GLRA2: variants seen among roughly 807,000 people sequenced by gnomAD.
The protein encoded by GLRA2 is glycine receptor subunit alpha-2.
A neutral mutation model predicts 31.6 loss-of-function variants in GLRA2; 11 were observed. The ratio of observed to expected loss-of-function variants is 0.35; its 90% CI spans 0.22 to 0.58. GLRA2 has a LOEUF of 0.58. Among genes scored for constraint, GLRA2 ranks in the 20% least tolerant of loss-of-function variants. GLRA2 has a pLI of 0.84. For synonymous variants in GLRA2, 132 were observed against 134.0 expected, an observed-to-expected ratio of 0.99 and a Z score of 0.10; for missense variants, 212 against 351.8, an observed-to-expected ratio of 0.60 and a Z score of 3.18.
At chrX:14,642,632 A>G (rs1269194824) in intron 7 of GLRA2, among the ~76,000 whole-genome samples, 3 of 110,517 alleles carry the variant, frequency 2.7e-5, no homozygotes, top group African/African-American at 9.9e-5. Context: ...TTATAGCTAT[A>G]TTAATTTCTT....
At chrX:14,534,461 G>A (rs2089297514) in intron 2 of GLRA2, among the ~76,000 whole-genome samples, 1 of 109,476 alleles carries the variant, frequency 9.1e-6, no homozygotes. Flanking sequence ...TCTTCATTTG[G>A]GGGAGCTTGA....
chrX:14,508,940 T>G, the GLRA2 span, among the ~76,000 whole-genome samples: 1 of 111,538 alleles, frequency 9.0e-6, no homozygotes, highest in Non-Finnish European at 1.9e-5. Context: ...AATGTCATGC[T>G]TTTCACATTA....
the GLRA2 span, among the ~76,000 whole-genome samples, chrX:14,499,872 T>A: frequency 0.21 from 23,714 of 110,316 alleles, 1,845 homozygotes; most frequent in Non-Finnish European, 0.23. Flanking sequence ...GATTTTTTTT[T>A]AAAAAAATTT....
intron 8 of GLRA2, among the ~76,000 whole-genome samples, chrX:14,712,950 A>C (rs1290838623): frequency 2.7e-5 from 3 of 111,908 alleles, no homozygotes; most frequent in Non-Finnish European, 3.8e-5. Flanking sequence ...AAAAATCCTA[A>C]CCTGCAACCA....
intron 2 of GLRA2, among the ~76,000 whole-genome samples, chrX:14,567,412 T>A (rs928225123): frequency 8.9e-6 from 1 of 112,073 alleles, no homozygotes; most frequent in Non-Finnish European, 1.9e-5. Context: ...TAATGATTTT[T>A]AAAAACACTC....
At chrX:14,579,268 T>C (rs777609720) in intron 3 of GLRA2, among the ~76,000 whole-genome samples, 16 of 111,690 alleles carry the variant, frequency 1.4e-4, no homozygotes, top group Admixed American at 1.3e-3. Context: ...TTATCAGGGA[T>C]AGCAGGTAGC....
the GLRA2 span, among the ~76,000 whole-genome samples, chrX:14,493,693 GTA>G: frequency 1.4e-5 from 1 of 72,257 alleles, no homozygotes; most frequent in African/African-American, 8.2e-5. Context: ...ACATATACAC[GTA>G]TATATGTATA....
intron 4 of GLRA2, among the ~76,000 whole-genome samples, chrX:14,582,925 G>A (rs1490396460): frequency 8.9e-6 from 1 of 112,210 alleles, no homozygotes; most frequent in Non-Finnish European, 1.9e-5. Flanking sequence ...ATGGTGGACT[G>A]GATTTGGCCC....
intron 8 of GLRA2, among the ~76,000 whole-genome samples, chrX:14,725,106 G>T (rs931385998): frequency 9.0e-6 from 1 of 111,458 alleles, no homozygotes; most frequent in Admixed American, 9.5e-5. Context: ...AACTTTTCTT[G>T]GCCTCAGTTT....
intron 7 of GLRA2, among the ~76,000 whole-genome samples, chrX:14,686,316 G>T (rs1027854109): frequency 1.8e-5 from 2 of 111,937 alleles, no homozygotes; most frequent in Non-Finnish European, 3.8e-5. Flanking sequence ...GAGTTCTGTA[G>T]ATGTCTATTA....
chrX:14,679,835 T>C (rs1444244244), intron 7 of GLRA2, among the ~76,000 whole-genome samples: 1 of 112,195 alleles, frequency 8.9e-6, no homozygotes, highest in African/African-American at 3.2e-5. Context: ...TGTGGAACCA[T>C]CTACTTTATA....
At chrX:14,470,344 A>G in the GLRA2 span, among the ~76,000 whole-genome samples, 7 of 111,896 alleles carry the variant, frequency 6.3e-5, no homozygotes, top group Non-Finnish European at 1.9e-5. Context: ...AATATTTATT[A>G]TACCTGAATA....
At chrX:14,651,829 T>G (rs898441430) in intron 7 of GLRA2, among the ~76,000 whole-genome samples, 18 of 112,050 alleles carry the variant, frequency 1.6e-4, no homozygotes, top group African/African-American at 5.8e-4. Flanking sequence ...AATAAATGTT[T>G]GTGTCTCACC....
chrX:14,599,564 TC>T (rs1369147196), intron 4 of GLRA2, among the ~76,000 whole-genome samples: 7 of 112,335 alleles, frequency 6.2e-5, no homozygotes, highest in African/African-American at 2.3e-4. Flanking sequence ...AATATCAAGT[TC>T]TTTTTTTCCC....
intron 7 of GLRA2, among the ~76,000 whole-genome samples, chrX:14,684,905 G>T (rs2091258441): frequency 1.8e-5 from 2 of 110,665 alleles, no homozygotes; most frequent in African/African-American, 6.6e-5. Context: ...GTTTTCAAAG[G>T]GAATGCTTCC....
intron 8 of GLRA2, among the ~76,000 whole-genome samples, chrX:14,698,612 A>C (rs1350007889): frequency 2.2e-5 from 2 of 91,276 alleles, no homozygotes; most frequent in African/African-American, 8.3e-5. Context: ...CGGGAGGTGG[A>C]GATTGCAGTG....
intron 2 of GLRA2, among the ~76,000 whole-genome samples, chrX:14,551,594 A>T: frequency 8.9e-6 from 1 of 111,740 alleles, no homozygotes. Context: ...GCATTTTGTA[A>T]ACTTTTTTTT....
chrX:14,625,036 G>T (rs761009372), intron 7 of GLRA2, among the ~76,000 whole-genome samples: 1 of 112,011 alleles, frequency 8.9e-6, no homozygotes, highest in African/African-American at 3.2e-5. Context: ...TTGTGCTCCT[G>T]TATTGGCTGC....
At chrX:14,486,614 C>G in the GLRA2 span, among the ~76,000 whole-genome samples, 1 of 111,437 alleles carries the variant, frequency 9.0e-6, no homozygotes, top group Non-Finnish European at 1.9e-5. Context: ...TCTGGGGATA[C>G]TAATTAGGCA....
Sources: gnomAD v4.1 joint callset for allele counts (sites outside exome capture counted in the v4.1 genomes callset) on GRCh38, gnomAD v4.1.1 for gene constraint, MANE v1.5 for transcripts, NCBI Gene and HGNC (gene_info 2026-07-23, HGNC 2026-07-21) for gene names.